Variants in ZBTB16 observed in about 807,000 individuals in gnomAD.
The protein encoded by ZBTB16 is zinc finger and BTB domain-containing protein 16.
ZBTB16 carries 8 observed loss-of-function variants against 56.8 expected under a neutral mutation model. That is an observed-to-expected ratio of 0.14 (90% CI 0.08 to 0.25). ZBTB16 has a LOEUF of 0.25. Among genes scored for constraint, ZBTB16 ranks in the 10% least tolerant of loss-of-function variants. ZBTB16 has a pLI of 1.00. For missense variants in ZBTB16, 625 were observed against 903.0 expected, an observed-to-expected ratio of 0.69 and a Z score of 3.95; for synonymous variants, 363 against 368.5, an observed-to-expected ratio of 0.98 and a Z score of 0.17.
At chr11:114,226,806 G>T in intron 4 of ZBTB16, among the ~76,000 whole-genome samples, 1 of 152,146 alleles carries the variant, frequency 6.6e-6, no homozygotes, top group South Asian at 2.1e-4. Flanking sequence ...CAACCTACTT[G>T]AAAGGAGGGT....
At chr11:114,087,103 C>T (rs1373891282) in intron 2 of ZBTB16, among the ~76,000 whole-genome samples, 1 of 152,164 alleles carries the variant, frequency 6.6e-6, no homozygotes, top group African/African-American at 2.4e-5. Flanking sequence ...GCCACCTCCC[C>T]CTCTTCCTGA....
chr11:114,227,485 C>T (rs543869146), intron 4 of ZBTB16, among the ~76,000 whole-genome samples: 21 of 152,238 alleles, frequency 1.4e-4, no homozygotes, highest in Non-Finnish European at 2.8e-4. Flanking sequence ...TCGTCCTTCT[C>T]TCCATCCAAT....
intron 4 of ZBTB16, among the ~76,000 whole-genome samples, chr11:114,211,356 C>G (rs1248485481): frequency 6.6e-6 from 1 of 152,198 alleles, no homozygotes; most frequent in African/African-American, 2.4e-5. Context: ...CATTAACTGT[C>G]ACTGTGGCCT....
intron 4 of ZBTB16, chr11:114,209,766 A>C: frequency 1.0e-6 from 1 of 985,448 alleles, no homozygotes; most frequent in Non-Finnish European, 1.2e-6. Flanking sequence ...CTTCAGGAGT[A>C]CACCACAGCC....
chr11:114,088,777 G>A (rs1322623702), intron 2 of ZBTB16, among the ~76,000 whole-genome samples: 2 of 152,198 alleles, frequency 1.3e-5, no homozygotes, highest in Admixed American at 1.3e-4. Flanking sequence ...AGTCATCTTT[G>A]CTCTGAAGTT....
chr11:114,131,131 A>T (rs150326820), intron 2 of ZBTB16, among the ~76,000 whole-genome samples: 1 of 152,202 alleles, frequency 6.6e-6, no homozygotes, highest in Non-Finnish European at 1.5e-5. Context: ...GTGGTTCTCA[A>T]TGGGGGACAA....
chr11:114,107,104 C>T (rs902147750), intron 2 of ZBTB16, among the ~76,000 whole-genome samples: 6 of 152,226 alleles, frequency 3.9e-5, no homozygotes, highest in Admixed American at 3.3e-4. Flanking sequence ...ATCCCAGCCA[C>T]GAGGCGCCAG....
chr11:114,212,344 G>A (rs1350981356), intron 4 of ZBTB16, among the ~76,000 whole-genome samples: 1 of 152,120 alleles, frequency 6.6e-6, no homozygotes, highest in East Asian at 1.9e-4. Flanking sequence ...AAGGGGCTTT[G>A]TTGTGCCTCT....
At chr11:114,127,877 G>A (rs560838901) in intron 2 of ZBTB16, among the ~76,000 whole-genome samples, 6 of 152,212 alleles carry the variant, frequency 3.9e-5, no homozygotes, top group Admixed American at 1.3e-4. Context: ...CCTGGACAGC[G>A]CACCTAAGCT....
At chr11:114,247,613 CA>C (rs1944841994) in intron 6 of ZBTB16, among the ~76,000 whole-genome samples, 1 of 152,192 alleles carries the variant, frequency 6.6e-6, no homozygotes, top group African/African-American at 2.4e-5. Context: ...AGTGAGCCCC[CA>C]TCAGCCCTCC....
chr11:114,187,283 C>G, intron 4 of ZBTB16: 1 of 598,716 alleles, frequency 1.7e-6, no homozygotes, highest in East Asian at 2.9e-5. Context: ...CAAGATCTGT[C>G]TCTAACCAGC....
chr11:114,177,056 G>A (rs986764845), intron 3 of ZBTB16, among the ~76,000 whole-genome samples: 5 of 151,208 alleles, frequency 3.3e-5, no homozygotes, highest in African/African-American at 1.2e-4. Flanking sequence ...GCTGTGGCCA[G>A]GAGCTGTCCT....
intron 2 of ZBTB16, among the ~76,000 whole-genome samples, chr11:114,087,127 T>C (rs1202741989): frequency 6.6e-6 from 1 of 152,194 alleles, no homozygotes; most frequent in Non-Finnish European, 1.5e-5. Context: ...TGTTTCATCA[T>C]CTGCAAAATG....
intron 2 of ZBTB16, among the ~76,000 whole-genome samples, chr11:114,070,094 C>CTTTTTT (rs4020465): frequency 2.6e-5 from 2 of 75,966 alleles, no homozygotes; most frequent in Non-Finnish European, 4.7e-5. Flanking sequence ...GAGTACCTTT[C>CTTTTTT]TTTTTTTTTT....
intron 2 of ZBTB16, among the ~76,000 whole-genome samples, chr11:114,093,331 G>C (rs889479407): frequency 1.2e-4 from 17 of 145,788 alleles, no homozygotes; most frequent in African/African-American, 4.4e-4. Context: ...CGTATTGCTG[G>C]GGGTGTGGAG....
intron 2 of ZBTB16, among the ~76,000 whole-genome samples, chr11:114,124,053 T>A (rs527324773): frequency 6.8e-6 from 1 of 147,818 alleles, no homozygotes; most frequent in South Asian, 2.3e-4. Context: ...TGTATTCTGC[T>A]TTTAAGGTCA....
At chr11:114,096,354 T>C (rs925136740) in intron 2 of ZBTB16, among the ~76,000 whole-genome samples, 4 of 152,206 alleles carry the variant, frequency 2.6e-5, no homozygotes, top group African/African-American at 9.7e-5. Flanking sequence ...CTCTAAAATA[T>C]GCTATCTTAA....
chr11:114,097,640 G>A (rs1336345941), intron 2 of ZBTB16, among the ~76,000 whole-genome samples: 1 of 152,000 alleles, frequency 6.6e-6, no homozygotes, highest in African/African-American at 2.4e-5. Context: ...GTCTAGCGTT[G>A]CCCTTTAACT....
At chr11:114,196,269 A>G (rs1943606343) in intron 4 of ZBTB16, among the ~76,000 whole-genome samples, 2 of 152,210 alleles carry the variant, frequency 1.3e-5, no homozygotes, top group South Asian at 4.1e-4. Context: ...TCAAAGGCTC[A>G]GGAATTTTGG....
Sources: allele counts gnomAD v4.1 joint callset (sites outside exome capture counted in the v4.1 genomes callset), GRCh38; gene constraint gnomAD v4.1.1; transcripts MANE v1.5; gene names NCBI Gene and HGNC (gene_info 2026-07-23, HGNC 2026-07-21).